LAMP2: variants seen among roughly 807,000 people sequenced by gnomAD.
LAMP2 encodes the protein lysosome-associated membrane glycoprotein 2.
Under a neutral mutation model 25.6 loss-of-function variants are expected in LAMP2, and 4 were observed. That is an observed-to-expected ratio of 0.16 (90% CI 0.08 to 0.36). The LOEUF (loss-of-function observed/expected upper bound fraction) is 0.36. Among genes scored for constraint, LAMP2 ranks in the 10% least tolerant of loss-of-function variants. The pLI is 1.00. For missense variants in LAMP2, 272 were observed against 301.4 expected (o/e 0.90, Z 0.72); for synonymous variants, 108 against 112.7 (o/e 0.96, Z 0.27).
At chrX:120,458,025 A>T (rs1355350278) in intron 1 of LAMP2, among the ~76,000 whole-genome samples, 1 of 112,021 alleles carries the variant, frequency 8.9e-6, no homozygotes, top group Admixed American at 9.5e-5. Context: ...GACAGTGACT[A>T]AATGCATTGG....
chrX:120,441,185 G>T (rs759809098), intron 8 of LAMP2, among the ~76,000 whole-genome samples: 4 of 23,092 alleles, frequency 1.7e-4, no homozygotes, highest in African/African-American at 1.1e-3. Flanking sequence ...CCCTTCAAAA[G>T]GTTTCATTAA....
intron 8 of LAMP2, chrX:120,438,315 C>T (rs1226899728): frequency 5.3e-6 from 4 of 752,672 alleles, no homozygotes; most frequent in Non-Finnish European, 6.3e-6. Context: ...GTACTGCATA[C>T]AGAGGCCAAT....
intron 3 of LAMP2, among the ~76,000 whole-genome samples, chrX:120,454,934 G>T (rs865819343): frequency 7.4e-5 from 6 of 81,623 alleles, no homozygotes; most frequent in East Asian, 3.7e-4. Context: ...CACACACTAG[G>T]ATATATATAT....
intron 8 of LAMP2, chrX:120,437,188 C>T (rs1005606841): frequency 1.3e-6 from 1 of 747,135 alleles, no homozygotes; most frequent in African/African-American, 2.3e-5. Context: ...TAAAGGTTTT[C>T]AGGCTAAACA....
chrX:120,451,575 C>T (rs1283178763), intron 3 of LAMP2, among the ~76,000 whole-genome samples: 2 of 111,371 alleles, frequency 1.8e-5, no homozygotes, highest in African/African-American at 3.3e-5. Flanking sequence ...AGCGATTCTC[C>T]TGCTTTAGCC....
At chrX:120,456,405 A>T (rs1306831778) in intron 2 of LAMP2, among the ~76,000 whole-genome samples, 1 of 111,145 alleles carries the variant, frequency 9.0e-6, no homozygotes, top group Non-Finnish European at 1.9e-5. Flanking sequence ...AACACCATAT[A>T]GTCGTCTTCA....
At chrX:120,466,562 G>A (rs1435072109) in intron 1 of LAMP2, among the ~76,000 whole-genome samples, 3 of 111,878 alleles carry the variant, frequency 2.7e-5, no homozygotes, top group African/African-American at 6.5e-5. Context: ...AAGTGCTACA[G>A]AAGAGTTTCC....
Position 120,438,728 on chromosome X carries a change from ACAC to A in LAMP2, c.1093+2999_1093+3001del, listed in dbSNP as rs2058557697. On this transcript the variant is annotated intron_variant, in intron 8 of 8. Coordinates refer to ENST00000200639, the MANE Select transcript of LAMP2 (RefSeq NM_002294.3). ...CACACACACACACACACACACACAC[ACAC>A]AAAAAGAGCAAAAGGAGCAAGTACA... 1.6e-4 allele frequency: 124 copies of A among 787,919 alleles called. 3 individuals are homozygous for A. Among genetic ancestry groups the A allele is most frequent in the Middle Eastern group, 1.3e-3 (2 of 1,502 alleles). 64.9% of individuals were successfully genotyped at this position (787,919 alleles called of 1,213,427 possible).
At chrX:120,441,531 CT>C (rs746574270) in intron 8 of LAMP2, among the ~76,000 whole-genome samples, 198 bp downstream of exon 8, 1 of 111,984 alleles carries the variant, frequency 8.9e-6, no homozygotes, top group Non-Finnish European at 1.9e-5. Flanking sequence ...GCTTTAAGAA[CT>C]TTTTTTGCAA....
At position 120,428,643 on chromosome X, in the gene LAMP2, G is replaced by T; in HGVS notation, c.*2680C>A. On this transcript the variant is annotated 3_prime_UTR_variant, in exon 9 of 9. Transcript: ENST00000200639. Reference sequence around the variant, plus strand: ...ATTCTTCAGCTGTTAGAAAAGAACAGACAGCAAGGAAAGGAAATTAGCAAA... The same window carrying T: ...ATTCTTCAGCTGTTAGAAAAGAACATACAGCAAGGAAAGGAAATTAGCAAA... 1 of 1,156,185 alleles carries T rather than the reference G, an allele frequency of 8.6e-7. No homozygotes were observed.
At chrX:120,463,429 T>C (rs1602544265) in intron 1 of LAMP2, among the ~76,000 whole-genome samples, 2 of 112,377 alleles carry the variant, frequency 1.8e-5, no homozygotes, top group South Asian at 3.7e-4. Flanking sequence ...GTGCTTATTG[T>C]TGAGCAGTGT....
chrX:120,466,969 A>G (rs1602546167), intron 1 of LAMP2, among the ~76,000 whole-genome samples: 2 of 109,964 alleles, frequency 1.8e-5, no homozygotes, highest in East Asian at 5.7e-4. Context: ...CGGCCTCCCA[A>G]GTAGCTGGGA....
chrX:120,429,621 T>TTA lies in LAMP2; in HGVS notation c.*1701_*1702insTA. 1.5e-6 allele frequency: 1 copy of TTA among 666,047 alleles called. No homozygotes were observed. Among genetic ancestry groups the TTA allele is most frequent in the Non-Finnish European group, 1.8e-6 (1 of 561,663 alleles). 54.9% of individuals were successfully genotyped at this position (666,047 alleles called of 1,213,427 possible). A position where few individuals can be genotyped will look rare whatever the true frequency, so the allele number is the denominator to read the frequency against. On this transcript the variant is annotated 3_prime_UTR_variant, in exon 9 of 9. Transcript: ENST00000200639. Reference sequence around the variant, plus strand: ...CTACTGAAAAAGCCCATATTAGTATTAAAAAAAAAACTTAAGCAAAACATA... The same window carrying TTA: ...CTACTGAAAAAGCCCATATTAGTATTTAAAAAAAAAAACTTAAGCAAAACATA...
intron 8 of LAMP2, among the ~76,000 whole-genome samples, chrX:120,441,304 T>G (rs1248249892): frequency 8.9e-6 from 1 of 112,096 alleles, no homozygotes; most frequent in Admixed American, 9.5e-5. Flanking sequence ...AAAAACATAG[T>G]TCATGATATT....
chrX:120,428,999 T>C lies in LAMP2; in HGVS notation c.*2324A>G, dbSNP rs2058510533. On this transcript the variant is annotated 3_prime_UTR_variant, in exon 9 of 9. Coordinates refer to ENST00000200639, the MANE Select transcript of LAMP2 (RefSeq NM_002294.3). ...CTCTTCGTCACACCTATAATTAAAG[T>C]ATAAATAAGAATTCTGTATAAGTAA... 6.1e-6 allele frequency: 4 copies of C among 657,204 alleles called. No homozygotes were observed. The South Asian group carries it at 3.2e-4, about 52-fold the overall frequency. 54.2% of individuals were successfully genotyped at this position (657,204 alleles called of 1,213,427 possible).
rs778580428 is a variant in LAMP2, at chrX:120,428,516, T to C, written c.*2807A>G. ...GACTGATAACCAGTACGACTTTTCCTTCTTCCAATCATATAAGAGATAAAG... is the reference window on the plus strand; with the variant it reads ...GACTGATAACCAGTACGACTTTTCCCTCTTCCAATCATATAAGAGATAAAG... On this transcript the variant is annotated 3_prime_UTR_variant, in exon 9 of 9. Coordinates refer to ENST00000200639, the MANE Select transcript of LAMP2 (RefSeq NM_002294.3). The C allele has an allele frequency of 2.5e-6, 3 of 1,197,417 alleles. No individual in the cohort carries two copies. In the South Asian group the frequency reaches 5.6e-5, roughly 22 times the overall value.
chrX:120,458,185 G>A (rs1297933101), intron 1 of LAMP2, among the ~76,000 whole-genome samples: 1 of 111,621 alleles, frequency 9.0e-6, no homozygotes, highest in Non-Finnish European at 1.9e-5. Flanking sequence ...ATGAACTGGA[G>A]GTTTGCTTTT....
chrX:120,451,710 C>T (rs921794064), intron 3 of LAMP2, among the ~76,000 whole-genome samples: 1 of 111,445 alleles, frequency 9.0e-6, no homozygotes, highest in African/African-American at 3.3e-5. Context: ...CAATGATCCA[C>T]CAGCCTCAGC....
At chrX:120,443,801 GAAATCCCGTCTCTATTAA>G (rs747101972) in intron 6 of LAMP2, among the ~76,000 whole-genome samples, 39 of 111,353 alleles carry the variant, frequency 3.5e-4, no homozygotes, top group African/African-American at 1.2e-3. Flanking sequence ...CTAACACGGT[GAAATCCCGTCTCTATTAA>G]AAATACAAAA....
Sources: gnomAD v4.1 joint callset for allele counts (sites outside exome capture counted in the v4.1 genomes callset) on GRCh38, gnomAD v4.1.1 for gene constraint, MANE v1.5 for transcripts, NCBI Gene and HGNC (gene_info 2026-07-23, HGNC 2026-07-21) for gene names.